USP34: variants seen among roughly 807,000 people sequenced by gnomAD.
The protein encoded by USP34 is ubiquitin specific peptidase 34.
USP34 carries 70 observed loss-of-function variants against 460.3 expected under a neutral mutation model. That is an observed-to-expected ratio of 0.15 (90% confidence interval 0.13 to 0.19). The LOEUF (loss-of-function observed/expected upper bound fraction) is 0.19. Among genes scored for constraint, USP34 ranks in the 10% least tolerant of loss-of-function variants. The pLI is 1.00. For synonymous variants in USP34, 1,647 were observed against 1,405.3 expected (o/e 1.17, Z -3.85); for missense variants, 3,985 against 4,236.2 (o/e 0.94, Z 1.65).
intron 59 of USP34, 66 bp downstream of exon 59, chr2:61,229,482 A>C (rs1687829121): frequency 5.0e-6 from 4 of 799,666 alleles, no homozygotes; most frequent in Non-Finnish European, 6.7e-6. Context: ...AAAACAAAAA[A>C]AAAAAACAAA....
Position 61,343,858 on chromosome 2 carries a change from ATGT to A in USP34, c.2454_2456del (p.Gln818del), listed in dbSNP as rs780082610. ...GGTAAATGGAAGCTAAATTGGGAAG[ATGT>A]TGTTGGAGGTGAGATGTCAGTTCCG... On this transcript the variant is annotated inframe_deletion, in exon 16 of 80. Transcript: ENST00000398571. 3 of 1,613,896 alleles carry A rather than the reference ATGT, an allele frequency of 1.9e-6. No individual in the cohort carries two copies. Among genetic ancestry groups the A allele is most frequent in the African/African-American group, 1.3e-5 (1 of 74,922 alleles).
intron 3 of USP34, among the ~76,000 whole-genome samples, chr2:61,403,912 G>A (rs368439820): frequency 1.4e-5 from 2 of 140,162 alleles, no homozygotes; most frequent in East Asian, 2.4e-4. Flanking sequence ...AGAATGACGT[G>A]AACCCGGGAG....
chr2:61,194,640 A>T (rs1686742383), intron 75 of USP34, among the ~76,000 whole-genome samples: 1 of 152,210 alleles, frequency 6.6e-6, no homozygotes, highest in African/African-American at 2.4e-5. Flanking sequence ...CTAAGACTGC[A>T]GGCTGGGACA....
chr2:61,332,237 G>A (rs913258610), intron 19 of USP34, among the ~76,000 whole-genome samples: 2 of 151,980 alleles, frequency 1.3e-5, no homozygotes, highest in Non-Finnish European at 2.9e-5. Context: ...CCATTAGAAC[G>A]AGTTTAAGAG....
chr2:61,280,400 T>A, intron 38 of USP34, 52 bp from the exon 39 acceptor site: 2 of 882,824 alleles, frequency 2.3e-6, no homozygotes, highest in Non-Finnish European at 3.2e-6. Context: ...TAAATAAAAT[T>A]ATAATACATT....
Position 61,259,760 on chromosome 2 carries a change from T to C in USP34, c.5795A>G (p.Lys1932Arg). ...AAGCTCCAGAAGAGTGGTCTTGTGC[T>C]TCATATCCTCTGAATACTGAAAATC... ...VFTAKYSEDM[K>R]HKTTLLELQK... Residue 1932 changes from lysine (K) to arginine (R), a missense_variant, in exon 44 of 80, where the codon AAG becomes AGG. Around this residue, in one of 14 missense-constraint regions of USP34, gnomAD observed 145 missense variants for 291.6 expected, o/e 0.50. Transcript: ENST00000398571. 6.2e-7 allele frequency: 1 copy of C among 1,613,226 alleles called. No individual in the cohort carries two copies. The highest frequency in any genetic ancestry group is 1.1e-5 in the South Asian group (1 of 91,060).
chr2:61,279,288 T>C (rs376670312), intron 39 of USP34, among the ~76,000 whole-genome samples: 43 of 152,328 alleles, frequency 2.8e-4, no homozygotes, highest in South Asian at 6.2e-4. Flanking sequence ...AGTGAACATA[T>C]TGAACTTTGA....
chr2:61,462,373 G>A lies in USP34; in HGVS notation c.43+8277C>T, dbSNP rs895063219. On this transcript the variant is annotated intron_variant, in intron 1 of 79. Coordinates refer to ENST00000398571, the MANE Select transcript of USP34 (RefSeq NM_014709.4). ...AGAACAGCCTGGGCAAAACAGTGAA[G>A]CCCCATTCCTACAAAAAACACAAAT... Among the ~76,000 whole-genome samples the A allele has an allele frequency of 4.0e-5, 6 of 151,212 alleles. No homozygotes were observed. The Admixed American group carries it at 4.0e-4, about 10-fold the overall frequency.
At chr2:61,279,407 C>T (rs1009679516) in intron 39 of USP34, among the ~76,000 whole-genome samples, 14 of 152,198 alleles carry the variant, frequency 9.2e-5, no homozygotes, top group African/African-American at 3.1e-4. Context: ...ACATTTTAGT[C>T]GACTAAATTT....
chr2:61,440,946 T>A, intron 1 of USP34, among the ~76,000 whole-genome samples: 1 of 151,044 alleles, frequency 6.6e-6, no homozygotes, highest in East Asian at 2.0e-4. Context: ...GCTAACACGG[T>A]GAAACCCCGT....
intron 1 of USP34, among the ~76,000 whole-genome samples, chr2:61,441,943 C>T (rs1013932918): frequency 2.0e-5 from 3 of 151,370 alleles, no homozygotes; most frequent in East Asian, 1.9e-4. Context: ...ACCAACGGAA[C>T]AGAACAGAGT....
At position 61,187,488 on chromosome 2, in the gene USP34, T is replaced by TTAAG. The variant is rs1470627170; in HGVS notation, c.*610_*613dup. On this transcript the variant is annotated 3_prime_UTR_variant, in exon 80 of 80. Coordinates refer to ENST00000398571, the MANE Select transcript of USP34 (RefSeq NM_014709.4). The stretch of plus-strand genomic sequence containing the variant: ...TGAAAAGTCATCACAATCAGTTTAA[T>TTAAG]TAAGTGCACAGAATAGCAATCAATC... The TTAAG allele has an allele frequency of 2.1e-6, 2 of 973,634 alleles. No individual in the cohort carries two copies. The highest frequency in any genetic ancestry group is 2.4e-6 in the Non-Finnish European group (2 of 827,088). The allele number at this position is 973,634 out of a possible 1,614,324, so 60.3% of individuals were successfully genotyped here.
intron 1 of USP34, among the ~76,000 whole-genome samples, chr2:61,451,204 G>C (rs927414717): frequency 1.8e-5 from 2 of 112,338 alleles, no homozygotes; most frequent in African/African-American, 7.2e-5. Context: ...CCAGGTGACA[G>C]TGTGAGGCTT....
Position 61,220,321 on chromosome 2 carries a change from C to T in USP34, c.8036G>A (p.Arg2679Lys), listed in dbSNP as rs1466782504. The change falls in exon 67 of 80, where the codon AGA (arginine) becomes AAA (lysine). Residue 2679 changes from arginine to lysine, a missense_variant. By Grantham distance (26) the Arg-to-Lys change is conservative. This residue lies in a region of USP34 where 604 missense variants were observed against 684.8 expected (regional missense o/e 0.88). Transcript: ENST00000398571. Reference sequence around the variant, plus strand: ...AATATTTGACTTACAAGTCCTCACTCTAGGATAATTGTGAGCCAAAAGAAA... The same window carrying T: ...AATATTTGACTTACAAGTCCTCACTTTAGGATAATTGTGAGCCAAAAGAAA... ...ERFLLAHNYP[R>K]VRTSAAYLLV... The T allele has an allele frequency of 3.1e-6, 5 of 1,613,022 alleles. No homozygotes were observed. The highest frequency in any genetic ancestry group is 4.2e-6 in the Non-Finnish European group (5 of 1,179,622).
At chr2:61,351,455 G>A (rs891599357) in intron 10 of USP34, among the ~76,000 whole-genome samples, 4 of 147,500 alleles carry the variant, frequency 2.7e-5, no homozygotes, top group Non-Finnish European at 4.5e-5. Context: ...TAAATATTAT[G>A]TCATGTAAAA....
chr2:61,239,368 C>T (rs1273301541), intron 53 of USP34, among the ~76,000 whole-genome samples: 1 of 148,988 alleles, frequency 6.7e-6, no homozygotes, highest in South Asian at 2.1e-4. Context: ...TTGAGAACCA[C>T]TGATGTAAAT....
At chr2:61,452,010 T>C (rs1011594586) in intron 1 of USP34, among the ~76,000 whole-genome samples, 2 of 151,148 alleles carry the variant, frequency 1.3e-5, no homozygotes, top group Non-Finnish European at 2.9e-5. Context: ...CCGTCTCTAC[T>C]AAAAATACAA....
intron 73 of USP34, 54 bp from the exon 74 acceptor site, chr2:61,204,434 C>G (rs564967256): frequency 1.2e-6 from 2 of 1,613,032 alleles, no homozygotes; most frequent in Admixed American, 1.7e-5. Flanking sequence ...AATCTCCATG[C>G]TTCAGTGTGC....
At chr2:61,291,972 T>C (rs1383815384) in intron 33 of USP34, among the ~76,000 whole-genome samples, 2 of 152,102 alleles carry the variant, frequency 1.3e-5, no homozygotes, top group African/African-American at 4.8e-5. Context: ...GGACCATATA[T>C]TGTATGGTTC....
Sources: gnomAD v4.1 joint callset for allele counts (sites outside exome capture counted in the v4.1 genomes callset) on GRCh38, gnomAD v4.1.1 for gene constraint, gnomAD v4.1.1 regional missense constraint, MANE v1.5 for transcripts, NCBI Gene and HGNC (gene_info 2026-07-23, HGNC 2026-07-21) for gene names.